TLE4: variants seen among roughly 807,000 people sequenced by gnomAD.
The protein encoded by TLE4 is transducin-like enhancer protein 4.
In TLE4, 8 loss-of-function variants were observed where a neutral mutation model predicts 92.8. The ratio of observed to expected loss-of-function variants is 0.09; its 90% CI spans 0.05 to 0.16. The LOEUF is 0.16. Ranked by LOEUF, TLE4 falls within the 10% of genes least tolerant of loss-of-function variation. The pLI, the probability that TLE4 is intolerant of heterozygous loss-of-function variation, is 1.00. For synonymous variants in TLE4, 371 were observed against 374.1 expected (o/e 0.99, Z 0.10); for missense variants, 675 against 997.6 (o/e 0.68, Z 4.36).
chr9:79,719,088 T>C, intron 15 of TLE4, 117 bp downstream of exon 15: 9 of 1,420,578 alleles, frequency 6.3e-6, no homozygotes, highest in Non-Finnish European at 8.4e-6. Context: ...GGATAGTTGC[T>C]CTTCAGGGGA....
intron 6 of TLE4, among the ~76,000 whole-genome samples, chr9:79,645,832 A>G (rs2058024337): frequency 6.6e-6 from 1 of 152,180 alleles, no homozygotes; most frequent in African/African-American, 2.4e-5. Context: ...AGGAAGAAGT[A>G]GTTTATTTTG....
intron 19 of TLE4, among the ~76,000 whole-genome samples, chr9:79,723,480 T>C (rs2075961901): frequency 6.6e-6 from 1 of 152,256 alleles, no homozygotes; most frequent in Non-Finnish European, 1.5e-5. Context: ...TATAAACTTT[T>C]ATTTTCCCTA....
At chr9:79,700,467 G>A (rs2069499744) in intron 8 of TLE4, among the ~76,000 whole-genome samples, 1 of 152,170 alleles carries the variant, frequency 6.6e-6, no homozygotes, top group Non-Finnish European at 1.5e-5. Context: ...TGCTGGAGGT[G>A]TCAGTTTTCC....
intron 13 of TLE4, 41 bp downstream of exon 13, chr9:79,708,827 A>AG: frequency 6.4e-7 from 1 of 1,563,548 alleles, no homozygotes; most frequent in Non-Finnish European, 8.6e-7. Flanking sequence ...TAGCACACGG[A>AG]GGATTGTCAT....
intron 4 of TLE4, among the ~76,000 whole-genome samples, chr9:79,587,046 A>C (rs750559565): frequency 1.3e-5 from 2 of 152,218 alleles, no homozygotes; most frequent in Non-Finnish European, 2.9e-5. Flanking sequence ...GCTATCAAAC[A>C]CTATACCTTA....
At chr9:79,698,130 T>C (rs1171770135) in intron 8 of TLE4, among the ~76,000 whole-genome samples, 2 of 152,192 alleles carry the variant, frequency 1.3e-5, no homozygotes, top group African/African-American at 4.8e-5. Context: ...AACACCCTCG[T>C]CTTACCTACT....
chr9:79,677,936 C>T (rs1054453363), intron 8 of TLE4, among the ~76,000 whole-genome samples: 8 of 152,010 alleles, frequency 5.3e-5, no homozygotes, highest in Non-Finnish European at 4.4e-5. Flanking sequence ...GTACTTCTGG[C>T]GTAATTTCTC....
chr9:79,698,260 C>T (rs1348749761), intron 8 of TLE4, among the ~76,000 whole-genome samples: 1 of 152,200 alleles, frequency 6.6e-6, no homozygotes, highest in Non-Finnish European at 1.5e-5. Flanking sequence ...CCATTGTAGA[C>T]ACTGCCTCTC....
In TLE4 at chr9:79,709,627, G is replaced by C. The variant is rs776350732; in HGVS notation, c.1268G>C (p.Gly423Ala). Residue 423 changes from glycine (G) to alanine (A), a missense_variant, in exon 14 of 20, where the codon GGA becomes GCA. By Grantham distance (60) the Gly-to-Ala change is moderately conservative (BLOSUM62 0). Around this residue, in one of 5 missense-constraint regions of TLE4, gnomAD observed 119 missense variants for 175.9 expected, o/e 0.68. Transcript: ENST00000376552. ...AAAYGRSPVV[G>A]FDPHHHMRVP... Reference sequence around the variant, plus strand: ...TTTGCTTGGGAAAAATTCTAGGTGGGATTTGATCCACACCATCACATGCGT... The same window carrying C: ...TTTGCTTGGGAAAAATTCTAGGTGGCATTTGATCCACACCATCACATGCGT... 6.0e-5 allele frequency: 97 copies of C among 1,613,450 alleles called. No individual in the cohort carries two copies. The highest frequency in any genetic ancestry group is 7.8e-5 in the Non-Finnish European group (92 of 1,179,780).
chr9:79,648,107 C>T (rs566752484), intron 6 of TLE4, among the ~76,000 whole-genome samples: 97 of 152,214 alleles, frequency 6.4e-4, no homozygotes, highest in Middle Eastern at 3.4e-3. Flanking sequence ...TAGGCTGATG[C>T]TAGTTTATGG....
Position 79,679,543 on chromosome 9 carries a change from A to C in TLE4, c.610-25240A>C, listed in dbSNP as rs1211164078. 3.9e-5 allele frequency among the ~76,000 whole-genome samples: 6 copies of C among 152,180 alleles called. No individual in the cohort carries two copies. The South Asian group carries it at 1.2e-3, about 32-fold the overall frequency. On this transcript the variant is annotated intron_variant, in intron 8 of 19. Transcript: ENST00000376552. ...CCTTTGTCAGATGAGTAGGTTGAGAAAATTTTCTCCCATTTTATAGGTTGC... is the reference window on the plus strand; with the variant it reads ...CCTTTGTCAGATGAGTAGGTTGAGACAATTTTCTCCCATTTTATAGGTTGC...
chr9:79,652,638 G>A lies in TLE4; in HGVS notation c.436G>A (p.Val146Ile), dbSNP rs1233699178. Reference protein sequence around the residue: ...QHLSHGHGLPVPLTPHPSGLQ... With the variant: ...QHLSHGHGLPIPLTPHPSGLQ... ...TTTATCACATGGACATGGTCTCCCC[G>A]TACCTCTGACTCCACACCCTTCAGG... Residue 146 changes from valine (V) to isoleucine (I), a missense_variant, in exon 7 of 20, where the codon GTA becomes ATA. Physicochemically the swap from Val to Ile is conservative, Grantham distance 29. Coordinates refer to ENST00000376552, the MANE Select transcript of TLE4 (RefSeq NM_007005.6). 9 of 1,614,094 alleles carry A rather than the reference G, an allele frequency of 5.6e-6. No individual in the cohort carries two copies. Among genetic ancestry groups the A allele is most frequent in the Non-Finnish European group, 7.6e-6 (9 of 1,180,014 alleles).
intron 6 of TLE4, among the ~76,000 whole-genome samples, chr9:79,634,840 T>G (rs2055289267): frequency 6.6e-6 from 1 of 152,220 alleles, no homozygotes; most frequent in African/African-American, 2.4e-5. Context: ...GCCTGTGTAT[T>G]GCAGACTGAT....
At chr9:79,695,062 C>G (rs141130770) in intron 8 of TLE4, among the ~76,000 whole-genome samples, 1 of 152,094 alleles carries the variant, frequency 6.6e-6, no homozygotes, top group Non-Finnish European at 1.5e-5. Context: ...TGAAAACTTT[C>G]CCTCTTATAG....
intron 4 of TLE4, among the ~76,000 whole-genome samples, chr9:79,577,566 T>C (rs1266437275): frequency 6.6e-6 from 1 of 152,236 alleles, no homozygotes; most frequent in East Asian, 1.9e-4. Context: ...ATCTTGTGGA[T>C]GGACTTCTCT....
intron 8 of TLE4, among the ~76,000 whole-genome samples, chr9:79,661,123 A>G (rs2060474487): frequency 6.6e-6 from 1 of 152,234 alleles, no homozygotes; most frequent in Non-Finnish European, 1.5e-5. Context: ...AGAGGGGCCT[A>G]AGATTTAAGT....
chr9:79,617,832 AG>A (rs2050010523), intron 5 of TLE4, among the ~76,000 whole-genome samples: 1 of 130,040 alleles, frequency 7.7e-6, no homozygotes. Context: ...GGTTTTTTCA[AG>A]GAAAAAAAAA....
intron 8 of TLE4, among the ~76,000 whole-genome samples, chr9:79,674,341 G>GT (rs1281716714): frequency 2.0e-5 from 3 of 151,966 alleles, no homozygotes; most frequent in Non-Finnish European, 1.5e-5. Context: ...GTGAGACTAA[G>GT]TAAGTTGCCT....
chr9:79,589,800 C>T (rs187394425), intron 4 of TLE4, among the ~76,000 whole-genome samples: 9 of 152,256 alleles, frequency 5.9e-5, no homozygotes, highest in South Asian at 2.1e-4. Context: ...TTCAACGTGA[C>T]GTTTCTGGCC....
Sources: gnomAD v4.1 joint callset for allele counts (sites outside exome capture counted in the v4.1 genomes callset) on GRCh38, gnomAD v4.1.1 for gene constraint, gnomAD v4.1.1 regional missense constraint, MANE v1.5 for transcripts, NCBI Gene and HGNC (gene_info 2026-07-23, HGNC 2026-07-21) for gene names.